PTGER3: variants seen among roughly 807,000 people sequenced by gnomAD.
The protein encoded by PTGER3 is prostaglandin E2 receptor EP3 subtype.
Under a neutral mutation model 34.7 loss-of-function variants are expected in PTGER3, and 22 were observed. The ratio of observed to expected loss-of-function variants is 0.63; its 90% CI spans 0.45 to 0.91. The LOEUF is 0.91. Among genes scored for constraint, PTGER3 ranks in the 40% least tolerant of loss-of-function variants. PTGER3 has a pLI of 0.00. For missense variants in PTGER3, 468 were observed against 519.4 expected, an observed-to-expected ratio of 0.90 and a Z score of 0.96; for synonymous variants, 241 against 230.1, an observed-to-expected ratio of 1.05 and a Z score of -0.43.
At chr1:70,938,382 A>G (rs370529419) in intron 4 of PTGER3, among the ~76,000 whole-genome samples, 15 of 152,340 alleles carry the variant, frequency 9.8e-5, no homozygotes, top group African/African-American at 3.6e-4. Flanking sequence ...AAAATGTACT[A>G]TAATGGTTCT....
chr1:70,970,754 T>C, downstream of PTGER3: 1 of 561,452 alleles, frequency 1.8e-6, no homozygotes, highest in Non-Finnish European at 2.3e-6. Flanking sequence ...GGCATATCCG[T>C]TGAAAACTAT....
At chr1:71,010,619 T>C in intron 2 of PTGER3, 1 of 984,708 alleles carries the variant, frequency 1.0e-6, no homozygotes, top group Non-Finnish European at 1.2e-6. Flanking sequence ...TGAAAAAAAG[T>C]AGGTAGTTTT....
chr1:71,031,300 A>G (rs1659397826), intron 1 of PTGER3, among the ~76,000 whole-genome samples: 1 of 151,972 alleles, frequency 6.6e-6, no homozygotes. Context: ...GCACACACGC[A>G]CATGTGCACA....
Position 70,971,618 on chromosome 1 carries a change from A to G in PTGER3, c.*112T>C. 7.1e-7 allele frequency: 1 copy of G among 1,400,042 alleles called. No individual in the cohort carries two copies. 86.7% of individuals were successfully genotyped at this position (1,400,042 alleles called of 1,614,324 possible). A position where few individuals can be genotyped will look rare whatever the true frequency, so the allele number is the denominator to read the frequency against. ...AACAATCATTAAAATAAAAAGATAA[A>G]AATGAAGAAATAATCCAAATTAAAA... On this transcript the variant is annotated 3_prime_UTR_variant, in exon 4 of 4. Coordinates refer to ENST00000306666, the MANE Select transcript of PTGER3 (RefSeq NM_198719.2).
At chr1:70,861,725 T>C (rs947153577) in intron 4 of PTGER3, among the ~76,000 whole-genome samples, 11 of 152,162 alleles carry the variant, frequency 7.2e-5, no homozygotes, top group African/African-American at 2.7e-4. Context: ...AAAACTTCTC[T>C]GTATGGTATC....
At chr1:70,963,132 A>C (rs1652118599) in intron 2 of PTGER3, among the ~76,000 whole-genome samples, 1 of 152,204 alleles carries the variant, frequency 6.6e-6, no homozygotes, top group Non-Finnish European at 1.5e-5. Context: ...TCCATGTCTC[A>C]CATCCAGGTC....
At chr1:70,969,690 C>G (rs1052455632), downstream of PTGER3, among the ~76,000 whole-genome samples, 3 of 152,018 alleles carry the variant, frequency 2.0e-5, no homozygotes, top group African/African-American at 7.3e-5. Context: ...TTTGCATGGA[C>G]AAAAATTATC....
chr1:70,872,732 A>G (rs1276708306), intron 4 of PTGER3, among the ~76,000 whole-genome samples: 3 of 152,152 alleles, frequency 2.0e-5, no homozygotes, highest in African/African-American at 4.8e-5. Flanking sequence ...CTCATAGTCT[A>G]TTTTGCTAGA....
chr1:70,966,575 C>G (rs183694882), downstream of PTGER3, among the ~76,000 whole-genome samples: 58 of 152,174 alleles, frequency 3.8e-4, no homozygotes, highest in African/African-American at 1.2e-3. Flanking sequence ...CACCTATTGA[C>G]CCATCCTCTA....
intron 4 of PTGER3, among the ~76,000 whole-genome samples, chr1:70,907,115 C>T (rs751690435): frequency 6.6e-6 from 1 of 152,164 alleles, no homozygotes; most frequent in Non-Finnish European, 1.5e-5. Flanking sequence ...ATGTCACTCA[C>T]CAAATGGTAG....
intron 2 of PTGER3, among the ~76,000 whole-genome samples, chr1:70,982,321 A>G (rs984025744): frequency 2.0e-5 from 3 of 152,100 alleles, no homozygotes; most frequent in Non-Finnish European, 4.4e-5. Flanking sequence ...TGGGAATATC[A>G]TTTGTGATTG....
intron 4 of PTGER3, among the ~76,000 whole-genome samples, chr1:70,878,523 G>T (rs1219887992): frequency 6.6e-6 from 1 of 152,096 alleles, no homozygotes; most frequent in East Asian, 1.9e-4. Flanking sequence ...TTTGGGGTTG[G>T]TTTGCTCTTG....
At chr1:70,858,120 A>G (rs986500033) in intron 4 of PTGER3, among the ~76,000 whole-genome samples, 4 of 152,012 alleles carry the variant, frequency 2.6e-5, no homozygotes, top group Non-Finnish European at 5.9e-5. Flanking sequence ...CTTAATCTCT[A>G]TAGTTCACAT....
Position 71,040,099 on chromosome 1 carries a change from GGAAA to G in PTGER3, c.897+6578_897+6581del, listed in dbSNP as rs779376856. Among the ~76,000 whole-genome samples, 131 of 124,876 alleles carry G rather than the reference GGAAA, an allele frequency of 1.0e-3. 2 individuals carry two copies. The highest frequency in any genetic ancestry group is 7.6e-3 in the East Asian group (33 of 4,324). 81.9% of individuals were successfully genotyped at this position (124,876 alleles called of 152,430 possible). A position where few individuals can be genotyped will look rare whatever the true frequency, so the allele number is the denominator to read the frequency against. On this transcript the variant is annotated intron_variant, in intron 1 of 3. Coordinates refer to ENST00000306666, the MANE Select transcript of PTGER3 (RefSeq NM_198719.2). Reference sequence around the variant, plus strand: ...AGGGAGGGAAGAAAGAAAGAAAGAAGGAAAGAAAGAAAGAAAGAAAAAAAAGAAA... The same window carrying G: ...AGGGAGGGAAGAAAGAAAGAAAGAAGGAAAGAAAGAAAGAAAAAAAAGAAA...
intron 4 of PTGER3, among the ~76,000 whole-genome samples, chr1:70,940,354 T>G (rs1382665852): frequency 1.3e-5 from 2 of 152,214 alleles, no homozygotes; most frequent in Non-Finnish European, 2.9e-5. Context: ...TTCTGAGTCC[T>G]CCAAACTGTT....
intron 4 of PTGER3, among the ~76,000 whole-genome samples, chr1:70,917,813 T>A (rs1028387785): frequency 1.3e-5 from 2 of 152,090 alleles, no homozygotes; most frequent in African/African-American, 4.8e-5. Context: ...AGTTGAATAT[T>A]TTTACATACA....
chr1:70,862,925 G>C (rs573971454), intron 4 of PTGER3, among the ~76,000 whole-genome samples: 178 of 152,250 alleles, frequency 1.2e-3, no homozygotes, highest in South Asian at 5.8e-3. Flanking sequence ...GAAACACTAA[G>C]AAAGATTGCA....
chr1:70,967,358 A>G (rs1359585069), downstream of PTGER3, among the ~76,000 whole-genome samples: 1 of 152,100 alleles, frequency 6.6e-6, no homozygotes, highest in Non-Finnish European at 1.5e-5. Flanking sequence ...TAGGCTCTAT[A>G]GGTTCTCTGT....
intron 4 of PTGER3, among the ~76,000 whole-genome samples, chr1:70,932,794 T>G (rs1158939161): frequency 6.6e-6 from 1 of 152,088 alleles, no homozygotes; most frequent in Non-Finnish European, 1.5e-5. Context: ...CTTTCAACTA[T>G]GCCCCCAATT....
Sources: allele counts gnomAD v4.1 joint callset (sites outside exome capture counted in the v4.1 genomes callset), GRCh38; gene constraint gnomAD v4.1.1; transcripts MANE v1.5; gene names NCBI Gene and HGNC (gene_info 2026-07-23, HGNC 2026-07-21).